Variants in GPC6 observed in about 807,000 individuals in gnomAD.
The protein encoded by GPC6 is glypican-6.
Under a neutral mutation model 55.2 loss-of-function variants are expected in GPC6, and 14 were observed. That is an observed-to-expected ratio of 0.25 (90% CI 0.17 to 0.40). The LOEUF (loss-of-function observed/expected upper bound fraction) is 0.40. Among genes scored for constraint, GPC6 ranks in the 10% least tolerant of loss-of-function variants. GPC6 has a pLI of 1.00. For synonymous variants in GPC6, 278 were observed against 259.6 expected (o/e 1.07, Z -0.68); for missense variants, 641 against 708.5 (o/e 0.90, Z 1.08).
intron 1 of GPC6, among the ~76,000 whole-genome samples, chr13:93,398,242 A>G (rs1875937337): frequency 6.6e-6 from 1 of 152,210 alleles, no homozygotes; most frequent in Non-Finnish European, 1.5e-5. Flanking sequence ...TTTTATGTTT[A>G]AAAATCTCAT....
chr13:94,134,818 A>G (rs915201510), intron 4 of GPC6, among the ~76,000 whole-genome samples: 1 of 152,138 alleles, frequency 6.6e-6, no homozygotes, highest in African/African-American at 2.4e-5. Context: ...TTTTCACTAG[A>G]TTTCCTATAA....
chr13:94,212,216 T>A (rs1890101650), intron 4 of GPC6, among the ~76,000 whole-genome samples: 1 of 152,192 alleles, frequency 6.6e-6, no homozygotes, highest in African/African-American at 2.4e-5. Flanking sequence ...AACATCTCAA[T>A]CTTTATTTTG....
At chr13:94,276,704 C>T (rs1892221378) in intron 4 of GPC6, among the ~76,000 whole-genome samples, 1 of 152,166 alleles carries the variant, frequency 6.6e-6, no homozygotes, top group South Asian at 2.1e-4. Flanking sequence ...GTTTTCTGCA[C>T]CTGTGTTAGT....
At chr13:94,026,585 A>G (rs1278907703) in intron 3 of GPC6, among the ~76,000 whole-genome samples, 1 of 152,168 alleles carries the variant, frequency 6.6e-6, no homozygotes. Flanking sequence ...GTCATGAATA[A>G]GAGTAGTTTT....
intron 1 of GPC6, among the ~76,000 whole-genome samples, chr13:93,501,093 A>T (rs865985077): frequency 1.3e-5 from 2 of 152,164 alleles, no homozygotes; most frequent in African/African-American, 4.8e-5. Context: ...CAGTCAGTCA[A>T]TTATTATAAA....
chr13:93,229,896 G>GT (rs921187686), intron 1 of GPC6, among the ~76,000 whole-genome samples: 1 of 152,022 alleles, frequency 6.6e-6, no homozygotes, highest in Non-Finnish European at 1.5e-5. Flanking sequence ...GGATATACTT[G>GT]TTTTTTCAAA....
chr13:94,358,937 C>T (rs1390000384), intron 6 of GPC6, among the ~76,000 whole-genome samples: 1 of 152,172 alleles, frequency 6.6e-6, no homozygotes, highest in African/African-American at 2.4e-5. Context: ...CTAAGTGTCT[C>T]TTCTTGTTGT....
At chr13:93,424,126 C>A (rs1048319734) in intron 1 of GPC6, among the ~76,000 whole-genome samples, 1 of 152,108 alleles carries the variant, frequency 6.6e-6, no homozygotes, top group Non-Finnish European at 1.5e-5. Context: ...TATTTGAGTG[C>A]AGGAAGTTTA....
intron 3 of GPC6, among the ~76,000 whole-genome samples, chr13:93,990,373 T>C (rs192078231): frequency 6.6e-6 from 1 of 152,242 alleles, no homozygotes; most frequent in East Asian, 1.9e-4. Context: ...ACTGTGACTT[T>C]CAGGGCCTGC....
At chr13:94,139,133 A>C (rs1887282906) in intron 4 of GPC6, among the ~76,000 whole-genome samples, 1 of 152,050 alleles carries the variant, frequency 6.6e-6, no homozygotes, top group Admixed American at 6.6e-5. Context: ...GACAGGAGAT[A>C]AGGCTGGGAT....
At chr13:93,309,556 T>A (rs920167149) in intron 1 of GPC6, among the ~76,000 whole-genome samples, 5 of 152,216 alleles carry the variant, frequency 3.3e-5, no homozygotes, top group African/African-American at 1.2e-4. Flanking sequence ...AAACATATTT[T>A]AAACTATAAT....
intron 3 of GPC6, among the ~76,000 whole-genome samples, chr13:93,850,315 G>A (rs2139011032): frequency 6.6e-6 from 1 of 152,008 alleles, no homozygotes; most frequent in Non-Finnish European, 1.5e-5. Context: ...TTCTAAAGTG[G>A]ATCCCAGACA....
intron 3 of GPC6, among the ~76,000 whole-genome samples, chr13:93,979,315 GTGTT>G (rs1282157985): frequency 2.8e-5 from 4 of 141,058 alleles, no homozygotes; most frequent in South Asian, 2.2e-4. Context: ...GTGTGTGTGT[GTGTT>G]TGTGTGTGTT....
At chr13:93,903,589 A>G (rs1418539583) in intron 3 of GPC6, among the ~76,000 whole-genome samples, 1 of 152,196 alleles carries the variant, frequency 6.6e-6, no homozygotes, top group African/African-American at 2.4e-5. Flanking sequence ...ATCTGTGTTT[A>G]AATTCCTATT....
chr13:93,653,543 A>G (rs1880514204), intron 2 of GPC6, among the ~76,000 whole-genome samples: 1 of 151,648 alleles, frequency 6.6e-6, no homozygotes, highest in Non-Finnish European at 1.5e-5. Context: ...TTTTAAATTT[A>G]ATGTCGTCAA....
intron 2 of GPC6, among the ~76,000 whole-genome samples, chr13:93,609,268 G>T (rs1878365385): frequency 6.6e-6 from 1 of 152,158 alleles, no homozygotes; most frequent in African/African-American, 2.4e-5. Context: ...AGGCTGGAGT[G>T]CAATGGTGCA....
chr13:93,965,106 G>T (rs60762438), intron 3 of GPC6, among the ~76,000 whole-genome samples: 19,484 of 67,176 alleles, frequency 0.29, 1,986 homozygotes, highest in East Asian at 0.46. Flanking sequence ...CTATGAGTTT[G>T]TTTTTTTTTT....
In GPC6 at chr13:93,471,922, G is replaced by A. The variant is rs568727643; in HGVS notation, c.161-73341G>A. 4.6e-5 allele frequency among the ~76,000 whole-genome samples: 7 copies of A among 152,292 alleles called. No individual in the cohort carries two copies. The East Asian group carries it at 9.7e-4, about 21-fold the overall frequency. On this transcript the variant is annotated intron_variant, in intron 1 of 8. Coordinates refer to ENST00000377047, the MANE Select transcript of GPC6 (RefSeq NM_005708.5). ...TTATGGAAATTTTCAGTGCTTCTCC[G>A]TTCTTGCTGGCTCTTTATCTATGTG...
intron 2 of GPC6, among the ~76,000 whole-genome samples, chr13:93,780,075 A>T (rs1885589570): frequency 6.6e-6 from 1 of 152,218 alleles, no homozygotes; most frequent in Non-Finnish European, 1.5e-5. Flanking sequence ...GGCAAGAATA[A>T]GGCCAAAGTA....
Sources: gnomAD v4.1 joint callset for allele counts (sites outside exome capture counted in the v4.1 genomes callset) on GRCh38, gnomAD v4.1.1 for gene constraint, MANE v1.5 for transcripts, NCBI Gene and HGNC (gene_info 2026-07-23, HGNC 2026-07-21) for gene names.